NFKB1: variants seen among roughly 807,000 people sequenced by gnomAD.
NFKB1 encodes nuclear factor NF-kappa-B p105 subunit.
In NFKB1, 9 loss-of-function variants were observed where a neutral mutation model predicts 105.1. The ratio of observed to expected loss-of-function variants is 0.09; its 90% CI spans 0.05 to 0.15. The LOEUF (loss-of-function observed/expected upper bound fraction) is 0.15. Ranked by LOEUF, NFKB1 falls within the 10% of genes least tolerant of loss-of-function variation. The probability of loss-of-function intolerance (pLI) is 1.00; values close to 1 mark genes in which losing one functional copy is unlikely to be tolerated. For synonymous variants in NFKB1, 440 were observed against 442.2 expected (o/e 1.00, Z 0.06); for missense variants, 830 against 1,203.7 (o/e 0.69, Z 4.59).
chr4:102,562,238 G>C (rs1226462889), intron 5 of NFKB1, among the ~76,000 whole-genome samples: 2 of 152,108 alleles, frequency 1.3e-5, no homozygotes. Flanking sequence ...CCTTCTTTCA[G>C]ATCTCCACCC....
intron 19 of NFKB1, 123 bp downstream of exon 19, chr4:102,607,874 TA>T: frequency 1.3e-6 from 1 of 791,068 alleles, no homozygotes; most frequent in East Asian, 2.6e-5. Context: ...CAAGGGTAAA[TA>T]AAAATTATAT....
intron 5 of NFKB1, chr4:102,557,238 T>G (rs903114340): frequency 2.0e-5 from 3 of 152,204 alleles, no homozygotes; most frequent in Non-Finnish European, 4.4e-5. Context: ...TTGCTGTCAT[T>G]TATTTTGTGG....
chr4:102,509,493 A>G (rs924443393), intron 1 of NFKB1, among the ~76,000 whole-genome samples: 3 of 152,332 alleles, frequency 2.0e-5, no homozygotes, highest in South Asian at 2.1e-4. Flanking sequence ...TGCTATATTT[A>G]CTGAGTATCT....
intron 23 of NFKB1, among the ~76,000 whole-genome samples, chr4:102,614,597 G>A (rs548677062): frequency 2.0e-5 from 3 of 152,096 alleles, no homozygotes; most frequent in East Asian, 1.9e-4. Flanking sequence ...AGTTGGGATC[G>A]CATCCCCACC....
At chr4:102,597,025 A>G (rs1726674123) in intron 14 of NFKB1, among the ~76,000 whole-genome samples, 3 of 152,194 alleles carry the variant, frequency 2.0e-5, no homozygotes. Context: ...CACAAATGCC[A>G]TTCCCTGACC....
chr4:102,594,815 A>C, intron 12 of NFKB1, 77 bp from the exon 13 acceptor site: 2 of 1,045,766 alleles, frequency 1.9e-6, no homozygotes, highest in Non-Finnish European at 2.9e-6. Context: ...TGCTCACCTG[A>C]GAGACAGACA....
At chr4:102,515,111 T>TTC (rs1740061832) in intron 1 of NFKB1, among the ~76,000 whole-genome samples, 1 of 128,898 alleles carries the variant, frequency 7.8e-6, no homozygotes, top group African/African-American at 2.9e-5. Context: ...ATTATTATTT[T>TTC]TTTTTTTTTT....
chr4:102,553,387 G>C (rs892105290), intron 5 of NFKB1, among the ~76,000 whole-genome samples: 1 of 152,156 alleles, frequency 6.6e-6, no homozygotes, highest in Non-Finnish European at 1.5e-5. Context: ...GGATATCACA[G>C]AGTCAGAGAT....
chr4:102,529,946 T>C (rs567837955), intron 3 of NFKB1, 32 bp downstream of exon 3: 29 of 1,500,042 alleles, frequency 1.9e-5, no homozygotes, highest in Non-Finnish European at 2.6e-5. Flanking sequence ...ACCCTGTTGT[T>C]CTGCTTTCAG....
At chr4:102,558,910 AAAATT>A (rs1402257449) in intron 5 of NFKB1, among the ~76,000 whole-genome samples, 2 of 152,230 alleles carry the variant, frequency 1.3e-5, no homozygotes, top group African/African-American at 4.8e-5. Flanking sequence ...TGTATAGAGA[AAAATT>A]AAGCAGAGAA....
intron 12 of NFKB1, among the ~76,000 whole-genome samples, 162 bp from the exon 13 acceptor site, chr4:102,594,730 A>AC (rs1415955542): frequency 6.6e-6 from 1 of 151,892 alleles, no homozygotes; most frequent in African/African-American, 2.4e-5. Context: ...TAGTCCCATG[A>AC]CCCCCACCAT....
At chr4:102,521,476 C>A (rs1740568916) in intron 1 of NFKB1, among the ~76,000 whole-genome samples, 1 of 152,104 alleles carries the variant, frequency 6.6e-6, no homozygotes, top group Non-Finnish European at 1.5e-5. Context: ...TCTCTGATTC[C>A]CAACTGTACT....
At chr4:102,538,998 G>A (rs1448362123) in intron 5 of NFKB1, among the ~76,000 whole-genome samples, 2 of 151,950 alleles carry the variant, frequency 1.3e-5, no homozygotes, top group Admixed American at 6.5e-5. Flanking sequence ...CAGCACTTTG[G>A]GAGGCCGAGG....
intron 5 of NFKB1, among the ~76,000 whole-genome samples, chr4:102,561,332 A>G (rs1205615035): frequency 1.3e-5 from 2 of 151,112 alleles, no homozygotes; most frequent in Non-Finnish European, 1.5e-5. Flanking sequence ...ACAGAAAAGA[A>G]TGAATGCATG....
At chr4:102,566,956 T>C (rs367589502) in intron 5 of NFKB1, 31 bp from the exon 6 acceptor site, 6 of 1,611,666 alleles carry the variant, frequency 3.7e-6, no homozygotes, top group African/African-American at 1.3e-5. Flanking sequence ...GAGTCAGATA[T>C]GCTAACTTTT....
At chr4:102,516,798 G>T (rs983676765) in intron 1 of NFKB1, among the ~76,000 whole-genome samples, 2 of 151,938 alleles carry the variant, frequency 1.3e-5, no homozygotes, top group African/African-American at 4.8e-5. Flanking sequence ...CCTTTAAAAC[G>T]TGTTGAGCTT....
chr4:102,570,204 A>G (rs950847053), intron 6 of NFKB1, among the ~76,000 whole-genome samples: 2 of 152,134 alleles, frequency 1.3e-5, no homozygotes, highest in Admixed American at 6.5e-5. Flanking sequence ...ATATATAAAT[A>G]TCAAAATACA....
intron 3 of NFKB1, among the ~76,000 whole-genome samples, chr4:102,533,267 C>T (rs1741417688): frequency 6.6e-6 from 1 of 151,964 alleles, no homozygotes; most frequent in Admixed American, 6.6e-5. Flanking sequence ...GGAATGAAGG[C>T]AGTACTTTCC....
intron 5 of NFKB1, among the ~76,000 whole-genome samples, chr4:102,557,497 A>G (rs1723075058): frequency 6.6e-6 from 1 of 152,250 alleles, no homozygotes; most frequent in Middle Eastern, 3.4e-3. Flanking sequence ...CCCCTGCACT[A>G]CTATCAGGAC....
Sources: gnomAD v4.1 joint callset for allele counts (sites outside exome capture counted in the v4.1 genomes callset) on GRCh38, gnomAD v4.1.1 for gene constraint, MANE v1.5 for transcripts, NCBI Gene and HGNC (gene_info 2026-07-23, HGNC 2026-07-21) for gene names.